ANXA9: variants seen among roughly 807,000 people sequenced by gnomAD.
The protein encoded by ANXA9 is annexin A9.
ANXA9 carries 47 observed loss-of-function variants against 51.8 expected under a neutral mutation model. The observed-to-expected ratio is 0.91, with a 90% CI of 0.72 to 1.16. The LOEUF is 1.16. ANXA9 is among the 50% of genes most tolerant of loss of function. The probability of loss-of-function intolerance (pLI) is 0.00; values close to 1 mark genes in which losing one functional copy is unlikely to be tolerated. For missense variants in ANXA9, 361 were observed against 424.7 expected, an observed-to-expected ratio of 0.85 and a Z score of 1.32; for synonymous variants, 154 against 168.7, an observed-to-expected ratio of 0.91 and a Z score of 0.68.
chr1:150,977,441 T>G (rs1447145258), upstream of ANXA9, among the ~76,000 whole-genome samples: 1 of 152,114 alleles, frequency 6.6e-6, no homozygotes, highest in East Asian at 1.9e-4. Flanking sequence ...TCACCACCCT[T>G]CCAACCCATC....
chr1:150,994,555 C>A, intron 12 of ANXA9, 22 bp from the exon 13 acceptor site: 2 of 1,613,228 alleles, frequency 1.2e-6, no homozygotes, highest in Admixed American at 1.7e-5. Context: ...AACTACCCCC[C>A]ATCTCTTTCT....
intron 12 of ANXA9, among the ~76,000 whole-genome samples, chr1:150,994,370 C>G (rs1336164877): frequency 6.6e-6 from 1 of 152,096 alleles, no homozygotes. Flanking sequence ...CTCAAGCTGC[C>G]CCCACAGAGA....
At chr1:150,983,021 G>T (rs976024944) in intron 2 of ANXA9, 69 bp from the exon 3 acceptor site, 4 of 1,173,264 alleles carry the variant, frequency 3.4e-6, no homozygotes, top group Non-Finnish European at 4.9e-6. Flanking sequence ...CCAGGGTCTC[G>T]GGGGGGTCAT....
Position 150,984,327 on chromosome 1 carries a change from G to A in ANXA9, c.314G>A (p.Arg105Lys), listed in dbSNP as rs1266097392. The change falls in exon 6 of 14, where the codon AGG becomes AAG. Residue 105 changes from arginine (R) to lysine (K), a missense_variant. By Grantham distance (26) the Arg-to-Lys change is conservative. Coordinates refer to ENST00000368947, the MANE Select transcript of ANXA9 (RefSeq NM_003568.3). ...GCAGCACTTTCCGGCAACCTGGAGA[G>A]GATTGTGATGGCTCTGCTGCAGCCC... The part of the protein sequence containing the change: ...LQAALSGNLE[R>K]IVMALLQPTA... The A allele has an allele frequency of 2.5e-6, 4 of 1,614,210 alleles. No individual in the cohort carries two copies. The highest frequency in any genetic ancestry group is 2.2e-5 in the South Asian group (2 of 91,082).
intron 5 of ANXA9, 99 bp from the exon 6 acceptor site, chr1:150,984,182 C>T: frequency 6.6e-7 from 1 of 1,517,496 alleles, no homozygotes. Context: ...CTAAACAGGG[C>T]CTGAGATGAA....
chr1:150,985,188 T>TCA (rs1481247553), intron 7 of ANXA9, among the ~76,000 whole-genome samples: 17 of 144,418 alleles, frequency 1.2e-4, no homozygotes, highest in South Asian at 6.4e-4. Context: ...TCTCTCTCTC[T>TCA]CTCACACACA....
intron 12 of ANXA9, among the ~76,000 whole-genome samples, chr1:150,991,009 A>G (rs1055894175): frequency 2.6e-5 from 4 of 151,488 alleles, no homozygotes; most frequent in East Asian, 2.0e-4. Flanking sequence ...CAGGCGTGGT[A>G]GCGGGCGCCT....
At chr1:150,995,154 C>A in intron 13 of ANXA9, 106 bp from the exon 14 acceptor site, 1 of 1,159,676 alleles carries the variant, frequency 8.6e-7, no homozygotes, top group Non-Finnish European at 1.2e-6. Context: ...CCGGGAGGAC[C>A]CTTCCCTCCC....
In ANXA9 at chr1:150,984,716, G is replaced by A. The variant is rs746935976; in HGVS notation, c.472+40G>A. ...GGAGGGGTCCCAGATGCTGGAGAAG[G>A]GGCTGTAGGACAGGCCACTCCTCTC... On this transcript the variant is annotated intron_variant, in intron 7 of 13. Coordinates refer to ENST00000368947, the MANE Select transcript of ANXA9 (RefSeq NM_003568.3). 7 of 1,567,906 alleles carry A rather than the reference G, an allele frequency of 4.5e-6. No homozygotes were observed. In the East Asian group the frequency reaches 1.3e-4, roughly 30 times the overall value.
At chr1:150,981,228 C>T (rs587604090), upstream of ANXA9, among the ~76,000 whole-genome samples, 46 of 152,314 alleles carry the variant, frequency 3.0e-4, no homozygotes, top group African/African-American at 1.1e-3. Context: ...CCTTTCATGG[C>T]GTGTCCTCCG....
rs1407840699 is a variant in ANXA9, at chr1:150,988,352, C to T, written c.852+11C>T. On this transcript the variant is annotated intron_variant, in intron 12 of 13. Coordinates refer to ENST00000368947, the MANE Select transcript of ANXA9 (RefSeq NM_003568.3). ...CATCAAGCCCTCCAGGTGAGAGGGG[C>T]ACTCCTTTCCCTCCCCAGAACAGAA... is the stretch of plus-strand genomic sequence containing the variant. 1 of 1,613,548 alleles carries T rather than the reference C, an allele frequency of 6.2e-7. No individual in the cohort carries two copies. Among genetic ancestry groups the T allele is most frequent in the East Asian group, 2.2e-5 (1 of 44,886 alleles).
At position 150,986,374 on chromosome 1, in the gene ANXA9, A is replaced by T; in HGVS notation, c.511A>T (p.Thr171Ser). Residue 171 changes from threonine (T) to serine (S), a missense_variant, in exon 8 of 14, where the codon ACC (threonine) becomes TCC (serine). Thr to Ser is a moderately conservative substitution (Grantham distance 58, BLOSUM62 1). Coordinates refer to ENST00000368947, the MANE Select transcript of ANXA9 (RefSeq NM_003568.3). ...VEAVDDITSE[T>S]SGILQDLLLA... The stretch of plus-strand genomic sequence containing the variant: ...GGCTGTGGATGACATCACATCTGAG[A>T]CCAGTGGCATCTTGCAGGACCTGCT... 1 of 1,614,082 alleles carries T rather than the reference A, an allele frequency of 6.2e-7. No homozygotes were observed. Among genetic ancestry groups the T allele is most frequent in the Non-Finnish European group, 8.5e-7 (1 of 1,179,988 alleles).
chr1:150,986,238 G>A, intron 7 of ANXA9, 98 bp from the exon 8 acceptor site: 1 of 1,045,682 alleles, frequency 9.6e-7, no homozygotes, highest in South Asian at 1.3e-5. Context: ...GGCTAGCAGG[G>A]CTGGCAGGGT....
chr1:150,995,225 T>C, intron 13 of ANXA9, 35 bp from the exon 14 acceptor site: 1 of 1,595,758 alleles, frequency 6.3e-7, no homozygotes. Flanking sequence ...ATAGTGGTGG[T>C]GGATCTTTCT....
At chr1:150,989,872 C>T (rs1245149062) in intron 12 of ANXA9, among the ~76,000 whole-genome samples, 1 of 152,142 alleles carries the variant, frequency 6.6e-6, no homozygotes, top group Non-Finnish European at 1.5e-5. Context: ...AATGAGTCAA[C>T]ACTAAGATTC....
chr1:150,991,394 G>A (rs1365966595), intron 12 of ANXA9, among the ~76,000 whole-genome samples: 1 of 148,384 alleles, frequency 6.7e-6, no homozygotes, highest in Non-Finnish European at 1.5e-5. Context: ...TCACCACCAT[G>A]CCTGGCTAAT....
chr1:150,983,827 C>A (rs1671481780), intron 4 of ANXA9, 148 bp from the exon 5 acceptor site: 1 of 789,144 alleles, frequency 1.3e-6, no homozygotes, highest in Non-Finnish European at 2.0e-6. Flanking sequence ...TTTGCAACTT[C>A]TTTTGAGATA....
chr1:150,984,491 T>A, intron 6 of ANXA9, 95 bp from the exon 7 acceptor site: 1 of 1,526,350 alleles, frequency 6.6e-7, no homozygotes, highest in Middle Eastern at 1.7e-4. Context: ...TCGTCCCATA[T>A]TGTTTCTTAG....
chr1:150,979,463 T>A (rs1571683629), upstream of ANXA9, among the ~76,000 whole-genome samples: 4 of 152,326 alleles, frequency 2.6e-5, no homozygotes, highest in Middle Eastern at 0.01. Flanking sequence ...CCTGCATGTG[T>A]CTGAGGTCAG....
Sources: allele counts gnomAD v4.1 joint callset (sites outside exome capture counted in the v4.1 genomes callset), GRCh38; gene constraint gnomAD v4.1.1; transcripts MANE v1.5; gene names NCBI Gene and HGNC (gene_info 2026-07-23, HGNC 2026-07-21).